Variants in GABRG3 observed in about 807,000 individuals in gnomAD.
The protein encoded by GABRG3 is gamma-aminobutyric acid type A receptor subunit gamma3, also known as gamma-aminobutyric acid receptor subunit gamma-3.
GABRG3 carries 25 observed loss-of-function variants against 48.8 expected under a neutral mutation model. The ratio of observed to expected loss-of-function variants is 0.51; its 90% CI spans 0.37 to 0.72. The LOEUF (loss-of-function observed/expected upper bound fraction) is 0.72. Among genes scored for constraint, GABRG3 ranks in the 30% least tolerant of loss-of-function variants. GABRG3 has a pLI of 0.00. For missense variants in GABRG3, 394 were observed against 577.9 expected (o/e 0.68, Z 3.26); for synonymous variants, 227 against 217.6 (o/e 1.04, Z -0.38).
chr15:27,124,688 T>G (rs1357290322), intron 3 of GABRG3, among the ~76,000 whole-genome samples: 1 of 151,570 alleles, frequency 6.6e-6, no homozygotes, highest in South Asian at 2.1e-4. Context: ...AGCAGGGGAG[T>G]AGGGGGAAGG....
rs1891503922 is a variant in GABRG3, at chr15:27,534,424, A to C, written c.*1543A>C. 6.6e-6 allele frequency: 1 copy of C among 152,212 alleles called. No homozygotes were observed. The highest frequency in any genetic ancestry group is 2.4e-5 in the African/African-American group (1 of 41,462). 9.4% of individuals were successfully genotyped at this position (152,212 alleles called of 1,614,324 possible). A position where few individuals can be genotyped will look rare whatever the true frequency, so the allele number is the denominator to read the frequency against. On this transcript the variant is annotated 3_prime_UTR_variant, in exon 10 of 10. Coordinates refer to ENST00000615808, the MANE Select transcript of GABRG3 (RefSeq NM_033223.5). ...ACTGGATGCCAATGTGAACTGCAGA[A>C]GACTGTTTTGAAACTTCTCCTCACC...
rs1335233111 is a variant in GABRG3, at chr15:26,974,657, C to G, written c.54-2345C>G. ...TTGTGCCTGATTCTGCTGAGATGAG[C>G]TACCGGCCTCTCCTCACTGCCCCAG... On this transcript the variant is annotated intron_variant, in intron 1 of 9. Transcript: ENST00000615808. The surrounding 1 kb of genome is among the most constrained non-coding windows in gnomAD (Gnocchi z 4.3). Among the ~76,000 whole-genome samples, 1 of 151,980 alleles carries G rather than the reference C, an allele frequency of 6.6e-6. No individual in the cohort carries two copies. Among genetic ancestry groups the G allele is most frequent in the African/African-American group, 2.4e-5 (1 of 41,362 alleles).
chr15:27,168,606 C>G (rs1887459647), intron 3 of GABRG3, among the ~76,000 whole-genome samples: 1 of 152,236 alleles, frequency 6.6e-6, no homozygotes, highest in South Asian at 2.1e-4. Context: ...GAGGTGAGAC[C>G]TTTGGGAGGT....
At chr15:27,246,989 G>T (rs751124688) in intron 3 of GABRG3, among the ~76,000 whole-genome samples, 1 of 152,124 alleles carries the variant, frequency 6.6e-6, no homozygotes, top group Non-Finnish European at 1.5e-5. Flanking sequence ...TTATAAACAG[G>T]GTTCCTCTCT....
chr15:27,500,714 C>T (rs1266342148), intron 6 of GABRG3, among the ~76,000 whole-genome samples: 2 of 152,098 alleles, frequency 1.3e-5, no homozygotes, highest in African/African-American at 2.4e-5. Flanking sequence ...ATACATTCCC[C>T]TGTTGTATCA....
intron 3 of GABRG3, among the ~76,000 whole-genome samples, chr15:27,235,460 T>G (rs78719214): frequency 2.9e-4 from 44 of 151,342 alleles, no homozygotes; most frequent in African/African-American, 1.1e-3. Context: ...TATGTACTTA[T>G]CTTTACAAAC....
chr15:27,067,500 C>T (rs560923062), intron 3 of GABRG3, among the ~76,000 whole-genome samples: 8 of 152,324 alleles, frequency 5.3e-5, no homozygotes, highest in Admixed American at 5.2e-4. Flanking sequence ...GGCCGACAAC[C>T]GGGTCACACC....
At chr15:27,134,396 G>A (rs1897971689) in intron 3 of GABRG3, among the ~76,000 whole-genome samples, 1 of 152,108 alleles carries the variant, frequency 6.6e-6, no homozygotes. Flanking sequence ...TTTTCTGTCA[G>A]GGCAATCCCC....
At chr15:27,367,924 G>A (rs1184698116) in intron 5 of GABRG3, among the ~76,000 whole-genome samples, 2 of 152,052 alleles carry the variant, frequency 1.3e-5, no homozygotes, top group Non-Finnish European at 2.9e-5. Context: ...AGGGCCCAGG[G>A]GAGTTGTAGG....
In GABRG3 at chr15:27,255,247, C is replaced by G. The variant is rs17672302; in HGVS notation, c.271-71562C>G. Among the ~76,000 whole-genome samples the G allele has an allele frequency of 5.4e-3, 822 of 152,324 alleles. 21 individuals carry two copies. In the East Asian group the frequency reaches 0.065, roughly 12 times the overall value. On this transcript the variant is annotated intron_variant, in intron 3 of 9. Coordinates refer to ENST00000615808, the MANE Select transcript of GABRG3 (RefSeq NM_033223.5). ...AGCCTGTGGATCCACCCTTCTGCCTCTTACCCCCTGGGCTGGATTCCTCCT... is the reference window on the plus strand; with the variant it reads ...AGCCTGTGGATCCACCCTTCTGCCTGTTACCCCCTGGGCTGGATTCCTCCT...
At chr15:27,188,009 A>G (rs1888156390) in intron 3 of GABRG3, among the ~76,000 whole-genome samples, 1 of 151,890 alleles carries the variant, frequency 6.6e-6, no homozygotes, top group African/African-American at 2.4e-5. Context: ...CAGTTTACTG[A>G]GAATGATGAT....
chr15:27,026,942 T>C lies in GABRG3; in HGVS notation c.270+121T>C, dbSNP rs73367733. The C allele has an allele frequency of 3.9e-3, 2,265 of 580,918 alleles. 49 individuals carry two copies. The African/African-American group carries it at 0.04, about 10-fold the overall frequency. 36.0% of individuals were successfully genotyped at this position (580,918 alleles called of 1,614,324 possible). A position where few individuals can be genotyped will look rare whatever the true frequency, so the allele number is the denominator to read the frequency against. ...TTAAAACTCACACTGACTTCTTAAA[T>C]CTGTAACACTTATTGGAATATTGAA... On this transcript the variant is annotated intron_variant, in intron 3 of 9. Transcript: ENST00000615808.
chr15:27,043,848 A>T (rs1896319120), intron 3 of GABRG3, among the ~76,000 whole-genome samples: 1 of 152,206 alleles, frequency 6.6e-6, no homozygotes. Context: ...CCCAGTCTGC[A>T]GCAGTGCTGG....
intron 5 of GABRG3, among the ~76,000 whole-genome samples, chr15:27,331,123 A>G (rs1893788416): frequency 1.3e-5 from 2 of 151,930 alleles, no homozygotes; most frequent in African/African-American, 4.8e-5. Flanking sequence ...GGCAACAGGA[A>G]CTCTCACTCA....
At chr15:27,057,815 T>G (rs1896576589) in intron 3 of GABRG3, among the ~76,000 whole-genome samples, 1 of 152,190 alleles carries the variant, frequency 6.6e-6, no homozygotes, top group Non-Finnish European at 1.5e-5. Flanking sequence ...CATGTTTACT[T>G]GCCTCAAAGA....
chr15:27,127,869 C>A (rs1026167007), intron 3 of GABRG3, among the ~76,000 whole-genome samples: 1 of 152,172 alleles, frequency 6.6e-6, no homozygotes, highest in Admixed American at 6.5e-5. Flanking sequence ...AGAGACCCCC[C>A]ACTGGTAGGT....
intron 5 of GABRG3, among the ~76,000 whole-genome samples, chr15:27,424,475 G>A (rs112445244): frequency 0.013 from 1,990 of 151,340 alleles, 31 homozygotes; most frequent in African/African-American, 0.046. Context: ...CAGCTCCCTT[G>A]TACCTCTTTC....
intron 6 of GABRG3, among the ~76,000 whole-genome samples, chr15:27,488,443 T>C (rs1890271185): frequency 6.6e-6 from 1 of 152,142 alleles, no homozygotes; most frequent in African/African-American, 2.4e-5. Context: ...TCTGTCATCT[T>C]GGATGCATTG....
intron 5 of GABRG3, among the ~76,000 whole-genome samples, chr15:27,477,121 A>T (rs147156052): frequency 1.2e-3 from 181 of 152,298 alleles, no homozygotes; most frequent in African/African-American, 4.2e-3. Context: ...TCCACAAAAA[A>T]CTTGCACCTG....
Sources: gnomAD v4.1 joint callset for allele counts (sites outside exome capture counted in the v4.1 genomes callset) on GRCh38, gnomAD v4.1.1 for gene constraint, Gnocchi (gnomAD v3.1) non-coding constraint, MANE v1.5 for transcripts, NCBI Gene and HGNC (gene_info 2026-07-23, HGNC 2026-07-21) for gene names.